The following CRYM variants were observed in gnomAD, a reference collection of about 807,000 sequenced individuals.
The protein encoded by CRYM is crystallin mu.
CRYM carries 18 observed loss-of-function variants against 32.9 expected under a neutral mutation model. The observed-to-expected ratio is 0.55, with a 90% confidence interval of 0.38 to 0.81. CRYM has a LOEUF of 0.81. CRYM is among the 30% of genes least tolerant of loss of function. The pLI is 0.00. For missense variants in CRYM, 337 were observed against 393.5 expected (o/e 0.86, Z 1.21); for synonymous variants, 153 against 152.4 (o/e 1.00, Z -0.03).
chr16:21,280,921 G>C (rs1291116307), upstream of CRYM, among the ~76,000 whole-genome samples: 1 of 151,980 alleles, frequency 6.6e-6, no homozygotes, highest in African/African-American at 2.4e-5. Flanking sequence ...CCTGGCCAAC[G>C]TGATGAAACC....
chr16:21,262,691 T>C (rs1192758184), intron 5 of CRYM, among the ~76,000 whole-genome samples: 1 of 152,150 alleles, frequency 6.6e-6, no homozygotes, highest in Non-Finnish European at 1.5e-5. Flanking sequence ...ACCTCATTGC[T>C]AAAAGATTTT....
intron 1 of CRYM, among the ~76,000 whole-genome samples, chr16:21,296,866 G>A (rs1289178634): frequency 2.6e-5 from 4 of 151,844 alleles, no homozygotes; most frequent in East Asian, 3.9e-4. Flanking sequence ...AAAATTAGCC[G>A]GGCATGGTGG....
intron 5 of CRYM, 158 bp from the exon 6 acceptor site, chr16:21,262,316 G>A (rs918628856): frequency 2.5e-5 from 21 of 846,676 alleles, no homozygotes; most frequent in Non-Finnish European, 3.8e-5. Flanking sequence ...TCAGTAGGAC[G>A]AAATACTTAT....
chr16:21,267,151 G>A (rs1434311732), intron 5 of CRYM, among the ~76,000 whole-genome samples: 1 of 152,060 alleles, frequency 6.6e-6, no homozygotes, highest in Admixed American at 6.6e-5. Flanking sequence ...AGGCTAAAGT[G>A]CAGTGGCACA....
At chr16:21,302,691 G>GA (rs1301953429) in intron 1 of CRYM, among the ~76,000 whole-genome samples, 1 of 152,166 alleles carries the variant, frequency 6.6e-6, no homozygotes, top group African/African-American at 2.4e-5. Context: ...GGCTCTCAGG[G>GA]AAGTTAGGCT....
chr16:21,291,379 G>A (rs1012675174), intron 1 of CRYM, among the ~76,000 whole-genome samples: 4 of 152,084 alleles, frequency 2.6e-5, no homozygotes, highest in Non-Finnish European at 5.9e-5. Flanking sequence ...AGAGCTACTG[G>A]TAGTCAATTA....
At chr16:21,296,889 G>T (rs781494678) in intron 1 of CRYM, among the ~76,000 whole-genome samples, 7 of 150,834 alleles carry the variant, frequency 4.6e-5, no homozygotes, top group Admixed American at 1.3e-4. Context: ...GACACTTGTA[G>T]TCCTAGCTAC....
At chr16:21,258,933 C>G in intron 7 of CRYM, 88 bp from the exon 8 acceptor site, 1 of 1,043,192 alleles carries the variant, frequency 9.6e-7, no homozygotes, top group Non-Finnish European at 1.5e-6. Context: ...TTTCCTGATA[C>G]ATGTCCATGT....
At chr16:21,282,354 C>G (rs1456021094), upstream of CRYM, among the ~76,000 whole-genome samples, 2 of 152,060 alleles carry the variant, frequency 1.3e-5, no homozygotes, top group Non-Finnish European at 2.9e-5. Context: ...AGCGTGCTTC[C>G]CAGCATAGGA....
At chr16:21,274,925 G>T (rs1328328343) in intron 3 of CRYM, among the ~76,000 whole-genome samples, 1 of 152,052 alleles carries the variant, frequency 6.6e-6, no homozygotes, top group Non-Finnish European at 1.5e-5. Flanking sequence ...CTTTTTATTG[G>T]TATTGTCTAC....
intron 1 of CRYM, among the ~76,000 whole-genome samples, chr16:21,296,311 G>A (rs1960787213): frequency 6.6e-6 from 1 of 152,146 alleles, no homozygotes; most frequent in Non-Finnish European, 1.5e-5. Flanking sequence ...TAAGGGAAAT[G>A]GAGATTGGAA....
intron 1 of CRYM, among the ~76,000 whole-genome samples, chr16:21,285,429 C>T (rs972829291): frequency 3.3e-5 from 5 of 152,192 alleles, no homozygotes; most frequent in African/African-American, 9.7e-5. Flanking sequence ...TACTGAGGCT[C>T]GTGGCCCTGC....
chr16:21,302,646 T>C lies in CRYM; in HGVS notation c.-193+332A>G, dbSNP rs113360884. 4.9e-4 allele frequency among the ~76,000 whole-genome samples: 74 copies of C among 152,248 alleles called. 2 individuals carry two copies. Among genetic ancestry groups the C allele is most frequent in the African/African-American group, 1.8e-3 (74 of 41,540 alleles). On this transcript the variant is annotated intron_variant, in intron 1 of 9. Transcript: ENST00000219599. ...AGTTGTTTGCTGAGTTTACAAGTGT[T>C]TCCTCCGTGATTAGGCCAGCTGTGT...
upstream of CRYM, among the ~76,000 whole-genome samples, chr16:21,280,068 T>C (rs551054620): frequency 6.6e-6 from 1 of 152,284 alleles, no homozygotes; most frequent in Non-Finnish European, 1.5e-5. Flanking sequence ...TTACATCACA[T>C]TTATTGGGTT....
At chr16:21,262,281 C>T in intron 5 of CRYM, 123 bp from the exon 6 acceptor site, 2 of 1,217,638 alleles carry the variant, frequency 1.6e-6, no homozygotes, top group South Asian at 1.3e-5. Context: ...AATACCCCCT[C>T]ATTCCCCAGG....
intron 1 of CRYM, among the ~76,000 whole-genome samples, chr16:21,301,668 C>A (rs1055011149): frequency 2.0e-5 from 3 of 152,240 alleles, no homozygotes; most frequent in African/African-American, 7.2e-5. Context: ...CAGCTTCACC[C>A]GCACCTCCTG....
At chr16:21,269,007 G>T (rs2093369434) in intron 4 of CRYM, among the ~76,000 whole-genome samples, 2 of 152,036 alleles carry the variant, frequency 1.3e-5, no homozygotes, top group Non-Finnish European at 2.9e-5. Context: ...AGCCAGGTGT[G>T]GTAGTGGGCG....
chr16:21,296,079 G>T (rs1404013229), intron 1 of CRYM, among the ~76,000 whole-genome samples: 1 of 151,820 alleles, frequency 6.6e-6, no homozygotes. Flanking sequence ...ATAAGTAAAA[G>T]ACCATTTTCC....
At chr16:21,272,253 T>C (rs1453078112) in intron 3 of CRYM, among the ~76,000 whole-genome samples, 1 of 152,202 alleles carries the variant, frequency 6.6e-6, no homozygotes, top group East Asian at 1.9e-4. Context: ...TAAGTACACG[T>C]ATATGAATCT....
Sources: allele counts gnomAD v4.1 joint callset (sites outside exome capture counted in the v4.1 genomes callset), GRCh38; gene constraint gnomAD v4.1.1; transcripts MANE v1.5; gene names NCBI Gene and HGNC (gene_info 2026-07-23, HGNC 2026-07-21).